The following MCTP1 variants were observed in gnomAD, a reference collection of about 807,000 sequenced individuals.
MCTP1 encodes the protein multiple C2 and transmembrane domain-containing protein 1.
A neutral mutation model predicts 120.6 loss-of-function variants in MCTP1; 69 were observed. That is an observed-to-expected ratio of 0.57 (90% CI 0.47 to 0.70). The LOEUF (loss-of-function observed/expected upper bound fraction) is 0.70. Among genes scored for constraint, MCTP1 ranks in the 30% least tolerant of loss-of-function variants. MCTP1 has a pLI of 0.00. For synonymous variants in MCTP1, 529 were observed against 493.1 expected, an observed-to-expected ratio of 1.07 and a Z score of -0.96; for missense variants, 1,203 against 1,248.8, an observed-to-expected ratio of 0.96 and a Z score of 0.55.
intron 17 of MCTP1, chr5:94,867,538 A>C: frequency 2.0e-6 from 1 of 507,090 alleles, no homozygotes; most frequent in East Asian, 3.1e-5. Flanking sequence ...ATAAGGAAGC[A>C]TAAGGTACTC....
At chr5:94,811,077 C>G (rs1783316297) in intron 17 of MCTP1, among the ~76,000 whole-genome samples, 1 of 152,148 alleles carries the variant, frequency 6.6e-6, no homozygotes, top group African/African-American at 2.4e-5. Flanking sequence ...TCCCTCTGTT[C>G]TGGAAAAACT....
At chr5:94,877,705 A>G (rs1286968972) in intron 12 of MCTP1, 1 of 152,088 alleles carries the variant, frequency 6.6e-6, no homozygotes, top group Non-Finnish European at 1.5e-5. Flanking sequence ...AACTGTGGGA[A>G]AGTCTGTACC....
chr5:94,828,558 GC>G (rs1309340498), intron 17 of MCTP1, among the ~76,000 whole-genome samples: 1 of 152,190 alleles, frequency 6.6e-6, no homozygotes, highest in Non-Finnish European at 1.5e-5. Flanking sequence ...TCCCACAGTC[GC>G]CCCTTCCCCC....
chr5:94,968,798 C>G (rs1826153937), intron 2 of MCTP1, among the ~76,000 whole-genome samples: 1 of 152,194 alleles, frequency 6.6e-6, no homozygotes, highest in African/African-American at 2.4e-5. Context: ...CATTTTCTGG[C>G]AGCATATGCT....
At chr5:94,837,198 C>A (rs1167628582) in intron 17 of MCTP1, among the ~76,000 whole-genome samples, 1 of 151,952 alleles carries the variant, frequency 6.6e-6, no homozygotes, top group East Asian at 1.9e-4. Context: ...GGAAACATAG[C>A]AAGACCTCAT....
At chr5:94,966,533 C>A (rs950724972) in intron 2 of MCTP1, among the ~76,000 whole-genome samples, 1 of 151,998 alleles carries the variant, frequency 6.6e-6, no homozygotes, top group South Asian at 2.1e-4. Flanking sequence ...CGGTGGCTCA[C>A]GTCTGTAATC....
chr5:95,124,832 T>C (rs553356817), intron 1 of MCTP1, among the ~76,000 whole-genome samples: 1 of 152,370 alleles, frequency 6.6e-6, no homozygotes, highest in Non-Finnish European at 1.5e-5. Context: ...TTTATCTCAA[T>C]ATTTTCCTTC....
chr5:95,247,490 C>T (rs994831589), intron 1 of MCTP1, among the ~76,000 whole-genome samples: 4 of 151,996 alleles, frequency 2.6e-5, no homozygotes, highest in South Asian at 2.1e-4. Flanking sequence ...GTTAGGGTGT[C>T]GATTTTAGAT....
chr5:95,066,985 G>T (rs989847146), intron 1 of MCTP1, among the ~76,000 whole-genome samples: 2 of 152,172 alleles, frequency 1.3e-5, no homozygotes, highest in Admixed American at 6.5e-5. Flanking sequence ...GACAGGAGGC[G>T]GAGCTTAGGG....
chr5:94,950,890 TG>T (rs1171521615), intron 3 of MCTP1, among the ~76,000 whole-genome samples: 4 of 147,476 alleles, frequency 2.7e-5, no homozygotes, highest in Non-Finnish European at 4.4e-5. Flanking sequence ...GAGCTTGCAG[TG>T]AGCCGAGATC....
chr5:95,251,085 C>T (rs964653179), intron 1 of MCTP1, among the ~76,000 whole-genome samples: 6 of 151,988 alleles, frequency 3.9e-5, no homozygotes, highest in Non-Finnish European at 7.4e-5. Flanking sequence ...CAAACACAGA[C>T]GAGAATTTCG....
At chr5:94,900,173 C>T (rs1190891080) in intron 10 of MCTP1, among the ~76,000 whole-genome samples, 8 of 152,342 alleles carry the variant, frequency 5.3e-5, no homozygotes, top group East Asian at 3.9e-4. Flanking sequence ...CATGCTAGAA[C>T]GCACCTGTTT....
At chr5:95,119,405 A>T (rs1758044066) in intron 1 of MCTP1, among the ~76,000 whole-genome samples, 1 of 152,220 alleles carries the variant, frequency 6.6e-6, no homozygotes, top group Non-Finnish European at 1.5e-5. Flanking sequence ...GTTTATAGTT[A>T]TACGTGCCTA....
chr5:94,953,180 C>T (rs1399195044), intron 3 of MCTP1, 39 bp downstream of exon 3: 1 of 1,544,606 alleles, frequency 6.5e-7, no homozygotes, highest in Admixed American at 2.0e-5. Context: ...GGGATTTCCA[C>T]ATCAGTTTCT....
chr5:95,085,216 C>T (rs576518305), intron 1 of MCTP1, among the ~76,000 whole-genome samples: 2 of 152,192 alleles, frequency 1.3e-5, no homozygotes, highest in South Asian at 2.1e-4. Context: ...CCCTTCTTCT[C>T]TCTCCAAAAG....
intron 1 of MCTP1, among the ~76,000 whole-genome samples, chr5:95,268,146 G>C (rs903235454): frequency 6.6e-6 from 1 of 152,214 alleles, no homozygotes; most frequent in Non-Finnish European, 1.5e-5. Context: ...GTAACAATTT[G>C]CATATTTTTT....
intron 7 of MCTP1, 101 bp downstream of exon 7, chr5:94,923,861 G>A: frequency 3.0e-6 from 2 of 666,950 alleles, no homozygotes; most frequent in South Asian, 3.9e-5. Flanking sequence ...CTATCTGGAA[G>A]CCTATCTTAA....
At chr5:95,058,589 T>C (rs1188131185) in intron 1 of MCTP1, among the ~76,000 whole-genome samples, 1 of 152,224 alleles carries the variant, frequency 6.6e-6, no homozygotes, top group Non-Finnish European at 1.5e-5. Context: ...GAAATCATTT[T>C]GGAAATTGTT....
chr5:95,056,725 G>C (rs1027782249), intron 1 of MCTP1, among the ~76,000 whole-genome samples: 2 of 152,046 alleles, frequency 1.3e-5, no homozygotes, highest in African/African-American at 2.4e-5. Flanking sequence ...TCCATATTTT[G>C]TGTCCTGCTT....
Sources: gnomAD v4.1 joint callset for allele counts (sites outside exome capture counted in the v4.1 genomes callset) on GRCh38, gnomAD v4.1.1 for gene constraint, MANE v1.5 for transcripts, NCBI Gene and HGNC (gene_info 2026-07-23, HGNC 2026-07-21) for gene names.